The following DNAL1 variants were observed in gnomAD, a reference collection of about 807,000 sequenced individuals.
DNAL1 encodes dynein axonemal light chain 1.
Under a neutral mutation model 29.4 loss-of-function variants are expected in DNAL1, and 17 were observed. The ratio of observed to expected loss-of-function variants is 0.58; its 90% CI spans 0.40 to 0.87. The LOEUF is 0.87. DNAL1 is among the 40% of genes least tolerant of loss of function. DNAL1 has a pLI of 0.00. For synonymous variants in DNAL1, 78 were observed against 76.3 expected, an observed-to-expected ratio of 1.02 and a Z score of -0.12; for missense variants, 188 against 214.1, an observed-to-expected ratio of 0.88 and a Z score of 0.76.
At chr14:73,657,510 G>A (rs1439347460) in intron 2 of DNAL1, among the ~76,000 whole-genome samples, 1 of 152,140 alleles carries the variant, frequency 6.6e-6, no homozygotes, top group Non-Finnish European at 1.5e-5. Context: ...GAGTTCCTGC[G>A]TCAGATGAAT....
rs1892437639 is a variant in DNAL1, at chr14:73,701,597, T to G, written c.*5655T>G. On this transcript the variant is annotated 3_prime_UTR_variant, in exon 8 of 8. Coordinates refer to ENST00000553645, the MANE Select transcript of DNAL1 (RefSeq NM_031427.4). ...ATGGGTGGGAGGCTCTTTGCCTCTGTGATCAGTAGGGTACCTGCCTCTGAG... is the reference window on the plus strand; with the variant it reads ...ATGGGTGGGAGGCTCTTTGCCTCTGGGATCAGTAGGGTACCTGCCTCTGAG... The G allele has an allele frequency of 6.6e-6, 1 of 152,254 alleles. No individual in the cohort carries two copies. Among genetic ancestry groups the G allele is most frequent in the African/African-American group, 2.4e-5 (1 of 41,466 alleles). 9.4% of individuals were successfully genotyped at this position (152,254 alleles called of 1,614,324 possible).
chr14:73,678,496 T>C (rs2140049607), intron 5 of DNAL1, among the ~76,000 whole-genome samples: 1 of 150,072 alleles, frequency 6.7e-6, no homozygotes, highest in Middle Eastern at 3.5e-3. Flanking sequence ...TATTCAAATA[T>C]AGTGAGCAGG....
At chr14:73,685,715 G>A (rs1463755621) in intron 5 of DNAL1, among the ~76,000 whole-genome samples, 1 of 152,052 alleles carries the variant, frequency 6.6e-6, no homozygotes, top group Non-Finnish European at 1.5e-5. Context: ...GCCCGCCTTG[G>A]CTTCCCAAAG....
At chr14:73,690,601 A>G (rs1174073954) in intron 7 of DNAL1, among the ~76,000 whole-genome samples, 1 of 151,756 alleles carries the variant, frequency 6.6e-6, no homozygotes, top group Non-Finnish European at 1.5e-5. Flanking sequence ...GTGGTGAGCC[A>G]TGATTGTGCC....
At position 73,703,000 on chromosome 14, in the gene DNAL1, T is replaced by G. The variant is rs1451887659; in HGVS notation, c.*7058T>G. 6.6e-6 allele frequency: 1 copy of G among 151,490 alleles called. No individual in the cohort carries two copies. Among genetic ancestry groups the G allele is most frequent in the Non-Finnish European group, 1.5e-5 (1 of 67,966 alleles). The allele number at this position is 151,490 out of a possible 1,614,324, so 9.4% of individuals were successfully genotyped here. ...TTGGGCATGGCAATGCCGCCTGTGG[T>G]CCTAGCTACTGGGGAGGCTGAGGCA... On this transcript the variant is annotated 3_prime_UTR_variant, in exon 8 of 8. Coordinates refer to ENST00000553645, the MANE Select transcript of DNAL1 (RefSeq NM_031427.4).
At chr14:73,677,806 C>G (rs1891776177) in intron 5 of DNAL1, among the ~76,000 whole-genome samples, 1 of 150,860 alleles carries the variant, frequency 6.6e-6, no homozygotes, top group African/African-American at 2.4e-5. Flanking sequence ...ATCCGCCCAC[C>G]TTGGCCTCCC....
At chr14:73,659,175 T>C (rs1891283355) in intron 3 of DNAL1, among the ~76,000 whole-genome samples, 1 of 151,820 alleles carries the variant, frequency 6.6e-6, no homozygotes. Context: ...TTTTTTTTTT[T>C]TTTTGAGATG....
chr14:73,648,094 C>T (rs895379597), intron 1 of DNAL1, among the ~76,000 whole-genome samples: 1 of 152,038 alleles, frequency 6.6e-6, no homozygotes, highest in African/African-American at 2.4e-5. Context: ...TCTTCTGCTT[C>T]AGCCTCCCGA....
At chr14:73,653,057 G>A (rs1346380925) in intron 1 of DNAL1, 2 of 152,154 alleles carry the variant, frequency 1.3e-5, no homozygotes, top group African/African-American at 4.8e-5. Context: ...GTGTTCCAGA[G>A]AACAAAGGGA....
chr14:73,669,591 T>C (rs1449907960), intron 4 of DNAL1, among the ~76,000 whole-genome samples: 3 of 152,140 alleles, frequency 2.0e-5, no homozygotes, highest in Non-Finnish European at 4.4e-5. Context: ...TTTTATTTTT[T>C]ATTTTTTATT....
chr14:73,680,416 C>T (rs567309958), intron 5 of DNAL1, among the ~76,000 whole-genome samples: 3 of 152,024 alleles, frequency 2.0e-5, no homozygotes, highest in Non-Finnish European at 4.4e-5. Flanking sequence ...TATGAGAAGA[C>T]GTATTCATAT....
chr14:73,658,826 C>A, intron 2 of DNAL1, 21 bp from the exon 3 acceptor site: 1 of 1,575,062 alleles, frequency 6.3e-7, no homozygotes, highest in South Asian at 1.2e-5. Flanking sequence ...GTTATTTCTT[C>A]CAAATGTATT....
intron 5 of DNAL1, among the ~76,000 whole-genome samples, chr14:73,687,048 G>A (rs1255118407): frequency 6.8e-6 from 1 of 147,448 alleles, no homozygotes; most frequent in Admixed American, 6.8e-5. Flanking sequence ...AGAGAAGGAA[G>A]AGTTCAGATT....
At chr14:73,646,743 C>T (rs1890984435) in intron 1 of DNAL1, among the ~76,000 whole-genome samples, 2 of 152,110 alleles carry the variant, frequency 1.3e-5, no homozygotes, top group Non-Finnish European at 2.9e-5. Context: ...GCCTGAGCAA[C>T]AGAGCAAGAC....
chr14:73,677,808 TGG>T (rs760690635), intron 5 of DNAL1, among the ~76,000 whole-genome samples: 3 of 149,714 alleles, frequency 2.0e-5, no homozygotes, highest in Non-Finnish European at 4.4e-5. Context: ...CCGCCCACCT[TGG>T]CCTCCCAAAG....
chr14:73,679,178 G>C (rs1370087624), intron 5 of DNAL1, among the ~76,000 whole-genome samples: 1 of 151,976 alleles, frequency 6.6e-6, no homozygotes, highest in Non-Finnish European at 1.5e-5. Flanking sequence ...TTTATTTTTA[G>C]TAGAGTCAGG....
At chr14:73,680,404 CTTA>C (rs938434433) in intron 5 of DNAL1, among the ~76,000 whole-genome samples, 19 of 152,234 alleles carry the variant, frequency 1.2e-4, no homozygotes, top group Middle Eastern at 3.4e-3. Context: ...AATAATGAAT[CTTA>C]TGAGAAGACG....
chr14:73,667,629 G>C (rs1191277323), intron 4 of DNAL1, among the ~76,000 whole-genome samples: 4 of 152,092 alleles, frequency 2.6e-5, no homozygotes, highest in African/African-American at 9.7e-5. Context: ...CTCCTGAGTA[G>C]CTGGGACTAC....
At chr14:73,663,136 C>T (rs540807656) in intron 4 of DNAL1, among the ~76,000 whole-genome samples, 17 of 151,550 alleles carry the variant, frequency 1.1e-4, no homozygotes, top group African/African-American at 2.9e-4. Context: ...CAAATATATA[C>T]GTACATATAA....
Sources: allele counts gnomAD v4.1 joint callset (sites outside exome capture counted in the v4.1 genomes callset), GRCh38; gene constraint gnomAD v4.1.1; transcripts MANE v1.5; gene names NCBI Gene and HGNC (gene_info 2026-07-23, HGNC 2026-07-21).